SLC27A2: variants seen among roughly 807,000 people sequenced by gnomAD.
SLC27A2 encodes solute carrier family 27 member 2, also known as long-chain fatty acid transport protein 2.
SLC27A2 carries 54 observed loss-of-function variants against 60.0 expected under a neutral mutation model. The ratio of observed to expected loss-of-function variants is 0.90; its 90% confidence interval spans 0.72 to 1.13. The LOEUF (loss-of-function observed/expected upper bound fraction) is 1.13, where lower values mean the gene tolerates loss of function less well. SLC27A2 is among the 50% of genes most tolerant of loss of function. The probability of loss-of-function intolerance (pLI) is 0.00; values close to 1 mark genes in which losing one functional copy is unlikely to be tolerated. For synonymous variants in SLC27A2, 297 were observed against 297.6 expected (o/e 1.00, Z 0.02); for missense variants, 739 against 777.6 (o/e 0.95, Z 0.59).
intron 6 of SLC27A2, 132 bp from the exon 7 acceptor site, chr15:50,226,848 A>G (rs1304752274): frequency 1.6e-6 from 1 of 644,960 alleles, no homozygotes; most frequent in African/African-American, 1.8e-5. Context: ...TCACAGGTAT[A>G]CATGCATGGA....
At chr15:50,211,069 A>C (rs2045150958) in intron 4 of SLC27A2, among the ~76,000 whole-genome samples, 1 of 152,214 alleles carries the variant, frequency 6.6e-6, no homozygotes. Context: ...TCAGAGGACA[A>C]AGAACATATA....
intron 4 of SLC27A2, among the ~76,000 whole-genome samples, chr15:50,218,329 C>T (rs777234171): frequency 5.9e-5 from 9 of 151,630 alleles, no homozygotes; most frequent in Non-Finnish European, 1.2e-4. Flanking sequence ...AAATTAGAGA[C>T]TAATCAAAGA....
chr15:50,218,171 T>C (rs2045215996), intron 4 of SLC27A2, among the ~76,000 whole-genome samples: 1 of 151,666 alleles, frequency 6.6e-6, no homozygotes, highest in African/African-American at 2.4e-5. Flanking sequence ...AATAGTGTAC[T>C]GTTTTAAAAG....
In SLC27A2 at chr15:50,182,252, C is replaced by T; in HGVS notation, c.-176C>T. ...ACGACTACACCTGCTCCGGAGCCCG[C>T]GGCGGTACCTGCAGCGGAGGAGCTC... On this transcript the variant is annotated 5_prime_UTR_variant, in exon 1 of 10. Transcript: ENST00000267842. 1 of 1,055,890 alleles carries T rather than the reference C, an allele frequency of 9.5e-7. No individual in the cohort carries two copies. The highest frequency in any genetic ancestry group is 3.4e-5 in the South Asian group (1 of 29,458). The allele number at this position is 1,055,890 out of a possible 1,614,324, so 65.4% of individuals were successfully genotyped here. A position where few individuals can be genotyped will look rare whatever the true frequency, so the allele number is the denominator to read the frequency against.
intron 1 of SLC27A2, among the ~76,000 whole-genome samples, chr15:50,189,136 C>T (rs950435659): frequency 3.9e-5 from 6 of 152,112 alleles, no homozygotes; most frequent in Non-Finnish European, 7.3e-5. Context: ...TCTCCTGAAG[C>T]TTAAGGACCA....
rs975421873 is a variant in SLC27A2, at chr15:50,233,638, C to G, written c.1556-230C>G. 2.6e-5 allele frequency among the ~76,000 whole-genome samples: 4 copies of G among 152,170 alleles called. No individual in the cohort carries two copies. In the East Asian group the frequency reaches 7.7e-4, roughly 29 times the overall value. ...TGAGGATTAAGTGAGATCATCAATA[C>G]AACACACTTAGTATAGGGCCTGGAA... On this transcript the variant is annotated intron_variant, in intron 8 of 9. Coordinates refer to ENST00000267842, the MANE Select transcript of SLC27A2 (RefSeq NM_003645.4).
intron 4 of SLC27A2, among the ~76,000 whole-genome samples, chr15:50,208,493 A>C (rs988964858): frequency 3.9e-5 from 6 of 152,232 alleles, no homozygotes; most frequent in African/African-American, 1.4e-4. Context: ...AGACAACCTG[A>C]GATGATATAT....
At position 50,192,814 on chromosome 15, in the gene SLC27A2, C is replaced by T. The variant is rs534865545; in HGVS notation, c.479-4686C>T. ...AAAAAAAAAAAAAGAAGAAGAAGTA[C>T]AGAAAAACTTAAAGTCCCTTTTGAC... On this transcript the variant is annotated intron_variant, in intron 1 of 9. Coordinates refer to ENST00000267842, the MANE Select transcript of SLC27A2 (RefSeq NM_003645.4). Among the ~76,000 whole-genome samples the T allele has an allele frequency of 1.0e-3, 146 of 142,542 alleles. 1 individual carries two copies. The highest frequency in any genetic ancestry group is 3.5e-3 in the African/African-American group (134 of 38,548). The allele number at this position is 142,542 out of a possible 152,430, so 93.5% of individuals were successfully genotyped here. A position where few individuals can be genotyped will look rare whatever the true frequency, so the allele number is the denominator to read the frequency against.
chr15:50,234,313 C>T (rs928899605), intron 9 of SLC27A2, among the ~76,000 whole-genome samples: 1 of 152,028 alleles, frequency 6.6e-6, no homozygotes, highest in Non-Finnish European at 1.5e-5. Context: ...AAAGGCCAAA[C>T]GCGGTGGCTC....
chr15:50,217,630 T>C (rs2045209015), intron 4 of SLC27A2, among the ~76,000 whole-genome samples: 1 of 152,138 alleles, frequency 6.6e-6, no homozygotes, highest in South Asian at 2.1e-4. Context: ...CCCCTCACCC[T>C]GCCCCCACAG....
At chr15:50,227,257 T>C in intron 7 of SLC27A2, 79 bp downstream of exon 7, 5 of 1,067,446 alleles carry the variant, frequency 4.7e-6, no homozygotes, top group South Asian at 2.8e-5. Flanking sequence ...GCATTCCACT[T>C]TGGTTATGGT....
chr15:50,197,447 GA>G, intron 1 of SLC27A2, 52 bp from the exon 2 acceptor site: 29 of 1,409,842 alleles, frequency 2.1e-5, no homozygotes, highest in Non-Finnish European at 2.8e-5. Flanking sequence ...AGCACTAATA[GA>G]ACTTTAATAG....
At chr15:50,196,435 T>G (rs2045024466) in intron 1 of SLC27A2, among the ~76,000 whole-genome samples, 1 of 152,028 alleles carries the variant, frequency 6.6e-6, no homozygotes, top group African/African-American at 2.4e-5. Flanking sequence ...AAGAGTAGTG[T>G]GTACTAGGCA....
rs79765607 is a variant in SLC27A2, at chr15:50,202,629, C to G, written c.831C>G (p.His277Gln). The G allele has an allele frequency of 6.8e-6, 11 of 1,613,620 alleles. No individual in the cohort carries two copies. Among genetic ancestry groups the G allele is most frequent in the Non-Finnish European group, 8.5e-6 (10 of 1,179,736 alleles). ...GTGCTGCACTACTGATTGGCATTCA[C>G]GGATGTATTGTGGCTGGTAAGCTTT... is the stretch of plus-strand genomic sequence containing the variant. ...YHSAALLIGI[H>Q]GCIVAGATLA... is the part of the protein sequence containing the mutation. Residue 277 changes from histidine (H) to glutamine (Q), a missense_variant, in exon 3 of 10, where the codon CAC (histidine) becomes CAG (glutamine). By Grantham distance (24) the His-to-Gln change is conservative. Transcript: ENST00000267842.
intron 4 of SLC27A2, among the ~76,000 whole-genome samples, chr15:50,214,378 T>A (rs1241821395): frequency 6.6e-6 from 1 of 152,134 alleles, no homozygotes; most frequent in Non-Finnish European, 1.5e-5. Flanking sequence ...ACAGCAGTAT[T>A]CTACCAGATG....
intron 1 of SLC27A2, among the ~76,000 whole-genome samples, chr15:50,186,367 CAA>C (rs1208957285): frequency 2.0e-5 from 3 of 152,172 alleles, no homozygotes; most frequent in Non-Finnish European, 4.4e-5. Flanking sequence ...GATTTTGAAA[CAA>C]ATGGTCTGAG....
intron 1 of SLC27A2, among the ~76,000 whole-genome samples, chr15:50,193,781 A>T (rs980812792): frequency 5.3e-5 from 8 of 152,164 alleles, no homozygotes; most frequent in Non-Finnish European, 1.0e-4. Context: ...TTGAGCACTT[A>T]TCTAGTAGTT....
chr15:50,220,434 G>A (rs1245407106), intron 4 of SLC27A2, among the ~76,000 whole-genome samples: 1 of 152,188 alleles, frequency 6.6e-6, no homozygotes, highest in East Asian at 1.9e-4. Context: ...TTTAATGAGG[G>A]AGATAGATAA....
At position 50,182,750 on chromosome 15, in the gene SLC27A2, C is replaced by T. The variant is rs760381599; in HGVS notation, c.323C>T (p.Ala108Val). Residue 108 changes from alanine (A) to valine (V), a missense_variant, in exon 1 of 10, where the codon GCG becomes GTG. By Grantham distance (64) the Ala-to-Val change is moderately conservative (BLOSUM62 0). Coordinates refer to ENST00000267842, the MANE Select transcript of SLC27A2 (RefSeq NM_003645.4). Reference sequence around the variant, plus strand: ...GGCCTGCGCCAGGGAGACTGCGTGGCGCTCCTTATGGGTAACGAGCCGGCC... The same window carrying T: ...GGCCTGCGCCAGGGAGACTGCGTGGTGCTCCTTATGGGTAACGAGCCGGCC... ...HLGLRQGDCV[A>V]LLMGNEPAYV... is the part of the protein sequence containing the mutation. 4 of 1,613,910 alleles carry T rather than the reference C, an allele frequency of 2.5e-6. No individual in the cohort carries two copies. The highest frequency in any genetic ancestry group is 2.2e-5 in the South Asian group (2 of 91,088).
Sources: allele counts gnomAD v4.1 joint callset (sites outside exome capture counted in the v4.1 genomes callset), GRCh38; gene constraint gnomAD v4.1.1; transcripts MANE v1.5; gene names NCBI Gene and HGNC (gene_info 2026-07-23, HGNC 2026-07-21).